Variants in ST3GAL3 observed in about 807,000 individuals in gnomAD.
ST3GAL3 encodes the protein ST3 beta-galactoside alpha-2,3-sialyltransferase 3, also known as CMP-N-acetylneuraminate-beta-1,4-galactoside alpha-2,3-sialyltransferase.
A neutral mutation model predicts 50.1 loss-of-function variants in ST3GAL3; 21 were observed. The observed-to-expected ratio is 0.42, with a 90% CI of 0.30 to 0.60. The LOEUF is 0.60. Among genes scored for constraint, ST3GAL3 ranks in the 20% least tolerant of loss-of-function variants. The probability of loss-of-function intolerance (pLI) is 0.19; values close to 1 mark genes in which losing one functional copy is unlikely to be tolerated. For synonymous variants in ST3GAL3, 183 were observed against 190.0 expected, an observed-to-expected ratio of 0.96 and a Z score of 0.30; for missense variants, 353 against 489.4, an observed-to-expected ratio of 0.72 and a Z score of 2.63.
intron 5 of ST3GAL3, 181 bp from the exon 6 acceptor site, chr1:43,894,202 C>G (rs1407409044): frequency 3.0e-6 from 2 of 673,026 alleles, no homozygotes; most frequent in African/African-American, 3.5e-5. Context: ...TCAGGCTCCA[C>G]TGAACAAGAT....
chr1:43,771,857 T>C, intron 2 of ST3GAL3: 1 of 396,058 alleles, frequency 2.5e-6, no homozygotes, highest in East Asian at 3.6e-5. Flanking sequence ...CTTAGACAAA[T>C]GAACACCTCC....
At chr1:43,920,351 G>A in intron 9 of ST3GAL3, 53 bp from the exon 10 acceptor site, 2 of 1,613,364 alleles carry the variant, frequency 1.2e-6, no homozygotes, top group Non-Finnish European at 1.7e-6. Context: ...CACTCCCCTA[G>A]GCTCATCCCT....
intron 1 of ST3GAL3, among the ~76,000 whole-genome samples, chr1:43,730,572 T>C (rs916576736): frequency 1.6e-5 from 1 of 61,828 alleles, no homozygotes; most frequent in Non-Finnish European, 3.1e-5. Context: ...CTTTTCTTTC[T>C]TTTTTTTTTT....
chr1:43,912,390 G>T (rs1261906855), intron 9 of ST3GAL3: 1 of 152,106 alleles, frequency 6.6e-6, no homozygotes, highest in Admixed American at 6.6e-5. Context: ...AGAGTAGTTG[G>T]GGGTGTGAGG....
intron 2 of ST3GAL3, among the ~76,000 whole-genome samples, chr1:43,766,587 T>C (rs1427107465): frequency 6.6e-6 from 1 of 151,372 alleles, no homozygotes; most frequent in African/African-American, 2.4e-5. Context: ...GAGCGGCTTG[T>C]GAGGAATGGT....
chr1:43,909,386 A>G (rs957608359), intron 9 of ST3GAL3, among the ~76,000 whole-genome samples: 2 of 152,164 alleles, frequency 1.3e-5, no homozygotes, highest in African/African-American at 4.8e-5. Flanking sequence ...CAGTTCCAAG[A>G]TCATTCTCCT....
chr1:43,851,145 T>G (rs2067218273), intron 5 of ST3GAL3: 4 of 1,270,148 alleles, frequency 3.1e-6, no homozygotes, highest in Non-Finnish European at 4.6e-6. Flanking sequence ...GTTCCTGCAC[T>G]GATCAGCTTC....
chr1:43,910,805 T>C (rs556964135), intron 9 of ST3GAL3, among the ~76,000 whole-genome samples: 1 of 152,350 alleles, frequency 6.6e-6, no homozygotes, highest in South Asian at 2.1e-4. Flanking sequence ...GGGTGTGGCA[T>C]GGGCATGGTA....
At chr1:43,807,356 C>T (rs1156831178) in intron 3 of ST3GAL3, among the ~76,000 whole-genome samples, 2 of 151,934 alleles carry the variant, frequency 1.3e-5, no homozygotes, top group Non-Finnish European at 2.9e-5. Context: ...GCAGAGGTTG[C>T]AGTGAGCCGA....
rs1190681407 is a variant in ST3GAL3 at position 43,707,636 on chromosome 1, C to T, written c.-88C>T. On this transcript the variant is annotated 5_prime_UTR_variant, in exon 1 of 12. Transcript: ENST00000347631. ...GCCGCCGCCTACGCCGCTGCCTCCG[C>T]CTTCCTGCCCCGCGTCGGGCCGGGC... is the stretch of plus-strand genomic sequence containing the variant. 2.6e-5 allele frequency: 4 copies of T among 153,012 alleles called. No homozygotes were observed. The highest frequency in any genetic ancestry group is 9.7e-5 in the African/African-American group (4 of 41,420). The allele number at this position is 153,012 out of a possible 1,614,324, so 9.5% of individuals were successfully genotyped here. A position where few individuals can be genotyped will look rare whatever the true frequency, so the allele number is the denominator to read the frequency against.
chr1:43,724,243 C>T (rs1671883114), intron 1 of ST3GAL3, among the ~76,000 whole-genome samples: 1 of 151,944 alleles, frequency 6.6e-6, no homozygotes, highest in Non-Finnish European at 1.5e-5. Flanking sequence ...TAGGGTCTCA[C>T]TTTGTTTCCC....
intron 4 of ST3GAL3, among the ~76,000 whole-genome samples, chr1:43,817,536 C>CCTTCTTCTT (rs2061434616): frequency 7.8e-6 from 1 of 128,426 alleles, no homozygotes; most frequent in Non-Finnish European, 1.7e-5. Flanking sequence ...TCCTTCTTCT[C>CCTTCTTCTT]CTTCTCCTTC....
At chr1:43,901,507 TAAA>T (rs374556283) in intron 9 of ST3GAL3, among the ~76,000 whole-genome samples, 35 of 152,298 alleles carry the variant, frequency 2.3e-4, no homozygotes, top group African/African-American at 8.2e-4. Context: ...TCAAGGTTCT[TAAA>T]ATTCATCCAA....
chr1:43,741,236 G>A (rs978256007), intron 2 of ST3GAL3, among the ~76,000 whole-genome samples: 6 of 152,158 alleles, frequency 3.9e-5, no homozygotes, highest in African/African-American at 1.4e-4. Flanking sequence ...GGCTGAGGTG[G>A]GAGGATCGTT....
At chr1:43,864,282 G>GA (rs545977520) in intron 5 of ST3GAL3, among the ~76,000 whole-genome samples, 19 of 151,904 alleles carry the variant, frequency 1.3e-4, no homozygotes, top group South Asian at 4.2e-4. Context: ...CTGTCTCAGG[G>GA]AAAAAAAACA....
intron 4 of ST3GAL3, among the ~76,000 whole-genome samples, chr1:43,815,654 G>A (rs1366698489): frequency 6.6e-6 from 1 of 152,160 alleles, no homozygotes; most frequent in Non-Finnish European, 1.5e-5. Context: ...TTTGGGTCAA[G>A]CTACTTAACC....
intron 1 of ST3GAL3, among the ~76,000 whole-genome samples, chr1:43,728,459 G>T (rs562064115): frequency 1.3e-5 from 2 of 152,198 alleles, no homozygotes; most frequent in South Asian, 4.2e-4. Flanking sequence ...GTTATATGTT[G>T]GGGGGGTGGG....
In ST3GAL3 at chr1:43,930,787, T is replaced by G; in HGVS notation, c.*566T>G. The G allele has an allele frequency of 5.2e-6, 1 of 194,022 alleles. No individual in the cohort carries two copies. The highest frequency in any genetic ancestry group is 1.1e-5 in the Non-Finnish European group (1 of 92,210). 12.0% of individuals were successfully genotyped at this position (194,022 alleles called of 1,614,324 possible). On this transcript the variant is annotated 3_prime_UTR_variant, in exon 12 of 12. Coordinates refer to ENST00000347631, the MANE Select transcript of ST3GAL3 (RefSeq NM_006279.5). The stretch of plus-strand genomic sequence containing the variant: ...CTCCAGCTCATGACACTGTTTGGCC[T>G]TTCTTGGGGAGAAGGCGGGGTATTC...
In ST3GAL3 at chr1:43,901,001, C is replaced by G. The variant is rs74656976; in HGVS notation, c.744+1274C>G. 5.1e-3 allele frequency among the ~76,000 whole-genome samples: 771 copies of G among 152,364 alleles called. 31 individuals are homozygous for G. In the East Asian group the frequency reaches 0.1, roughly 20 times the overall value. Reference sequence around the variant, plus strand: ...ACTTCAAGCAGGCCCACTGCCCACACAGACCAGGTAAATAACAGCGGTTCC... The same window carrying G: ...ACTTCAAGCAGGCCCACTGCCCACAGAGACCAGGTAAATAACAGCGGTTCC... On this transcript the variant is annotated intron_variant, in intron 9 of 11. Transcript: ENST00000347631.
Sources: gnomAD v4.1 joint callset for allele counts (sites outside exome capture counted in the v4.1 genomes callset) on GRCh38, gnomAD v4.1.1 for gene constraint, MANE v1.5 for transcripts, NCBI Gene and HGNC (gene_info 2026-07-23, HGNC 2026-07-21) for gene names.